BRD9: variants seen among roughly 807,000 people sequenced by gnomAD.
The protein encoded by BRD9 is bromodomain-containing protein 9.
In BRD9, 47 loss-of-function variants were observed where a neutral mutation model predicts 68.7. The ratio of observed to expected loss-of-function variants is 0.68; its 90% CI spans 0.54 to 0.87. The LOEUF (loss-of-function observed/expected upper bound fraction) is 0.87. Among genes scored for constraint, BRD9 ranks in the 40% least tolerant of loss-of-function variants. The probability of loss-of-function intolerance (pLI) is 0.00; values close to 1 mark genes in which losing one functional copy is unlikely to be tolerated. For synonymous variants in BRD9, 313 were observed against 293.9 expected (o/e 1.06, Z -0.67); for missense variants, 670 against 748.4 (o/e 0.90, Z 1.22).
intron 1 of BRD9, 74 bp from the exon 2 acceptor site, chr5:891,928 T>A: frequency 1.3e-6 from 2 of 1,531,724 alleles, no homozygotes; most frequent in Non-Finnish European, 1.8e-6. Context: ...GACGTGAAGG[T>A]GCTAAGAGGG....
intron 14 of BRD9, 63 bp from the exon 15 acceptor site, chr5:865,644 A>G: frequency 6.7e-7 from 1 of 1,502,946 alleles, no homozygotes; most frequent in South Asian, 1.2e-5. Context: ...CCCTAAGGGC[A>G]GGAGCACACT....
chr5:871,801 C>T (rs749531495), intron 12 of BRD9, among the ~76,000 whole-genome samples: 6 of 152,226 alleles, frequency 3.9e-5, no homozygotes, highest in African/African-American at 7.2e-5. Context: ...CCGGGGACAG[C>T]GCTCCACAGG....
rs1753464267 is a variant in BRD9, at chr5:891,866, C to T, written c.53-12G>A. ...CTTGTCGGCATAATCTGCACAGACA[C>T]AGACCGAGTTCTACCCGCGTGCTCA... On this transcript the variant is annotated splice_polypyrimidine_tract_variant and intron_variant, in intron 1 of 15. Transcript: ENST00000467963. 1.3e-6 allele frequency: 2 copies of T among 1,550,274 alleles called. No individual in the cohort carries two copies. The highest frequency in any genetic ancestry group is 1.8e-4 in the Middle Eastern group (1 of 5,672).
chr5:876,556 C>T (rs911477061), intron 11 of BRD9, among the ~76,000 whole-genome samples: 4 of 152,192 alleles, frequency 2.6e-5, no homozygotes, highest in Non-Finnish European at 2.9e-5. Flanking sequence ...TGGACAGAAG[C>T]ACACCAGTGG....
intron 14 of BRD9, among the ~76,000 whole-genome samples, chr5:867,601 G>A (rs1338878097): frequency 6.6e-6 from 1 of 152,280 alleles, no homozygotes; most frequent in East Asian, 1.9e-4. Context: ...TAGCCTGGAT[G>A]TGAGACAAGG....
At chr5:881,008 G>GC in intron 9 of BRD9, 99 bp downstream of exon 9, 1 of 1,270,904 alleles carries the variant, frequency 7.9e-7, no homozygotes, top group Non-Finnish European at 1.1e-6. Flanking sequence ...CTCTCATGCT[G>GC]CCCCATGGCC....
intron 3 of BRD9, 24 bp downstream of exon 3, chr5:891,131 G>A (rs549082364): frequency 6.5e-7 from 1 of 1,537,190 alleles, no homozygotes; most frequent in Non-Finnish European, 8.8e-7. Context: ...AACACCAGGA[G>A]AGTCTCTAAA....
chr5:881,271 GGGT>G (rs1751711327), intron 8 of BRD9, 89 bp from the exon 9 acceptor site: 1 of 1,243,960 alleles, frequency 8.0e-7, no homozygotes, highest in South Asian at 1.3e-5. Flanking sequence ...GGCTTAATGG[GGGT>G]GAAAGCACAT....
At chr5:873,073 G>A (rs563658154) in intron 12 of BRD9, among the ~76,000 whole-genome samples, 82 of 152,276 alleles carry the variant, frequency 5.4e-4, no homozygotes, top group Non-Finnish European at 9.0e-4. Flanking sequence ...GCTGAGGCAG[G>A]AGAATCGCTA....
intron 14 of BRD9, chr5:866,075 G>A (rs571673139): frequency 6.5e-6 from 1 of 153,490 alleles, no homozygotes; most frequent in African/African-American, 2.4e-5. Flanking sequence ...GCCCACTCCT[G>A]AACTGTGCAC....
intron 3 of BRD9, 104 bp downstream of exon 3, chr5:891,051 C>T: frequency 7.3e-7 from 1 of 1,375,158 alleles, no homozygotes; most frequent in Non-Finnish European, 9.6e-7. Context: ...ACCAGCTCTC[C>T]TCCCTCCCAT....
At chr5:878,234 C>T in intron 11 of BRD9, 121 bp downstream of exon 11, 2 of 1,414,094 alleles carry the variant, frequency 1.4e-6, no homozygotes, top group East Asian at 4.6e-5. Context: ...ACCCAGGCTG[C>T]CATATGGACG....
chr5:875,346 A>T (rs1488745527), intron 12 of BRD9, among the ~76,000 whole-genome samples: 1 of 147,022 alleles, frequency 6.8e-6, no homozygotes, highest in African/African-American at 2.6e-5. Context: ...ATGACTTCAG[A>T]CGCTTTTTTT....
intron 5 of BRD9, 122 bp downstream of exon 5, chr5:888,899 C>A: frequency 9.6e-7 from 1 of 1,045,378 alleles, no homozygotes; most frequent in East Asian, 2.6e-5. Context: ...AAACATCATC[C>A]GAACACAGAA....
At chr5:886,552 T>G (rs748365779) in intron 7 of BRD9, 40 bp downstream of exon 7, 1 of 1,577,082 alleles carries the variant, frequency 6.3e-7, no homozygotes, top group South Asian at 1.1e-5. Context: ...GCTATGGTGC[T>G]CAACTCCAAA....
At chr5:881,251 C>T (rs1168938268) in intron 8 of BRD9, 69 bp from the exon 9 acceptor site, 5 of 1,462,850 alleles carry the variant, frequency 3.4e-6, no homozygotes, top group Non-Finnish European at 4.7e-6. Context: ...AAATGAAGAC[C>T]AACAAGCAGG....
chr5:872,173 G>A (rs1370576413), intron 12 of BRD9, among the ~76,000 whole-genome samples: 1 of 152,250 alleles, frequency 6.6e-6, no homozygotes, highest in African/African-American at 2.4e-5. Flanking sequence ...CTGTGCTCCG[G>A]TGGAGCGATG....
chr5:886,935 C>A (rs1254741620), intron 6 of BRD9: 2 of 669,012 alleles, frequency 3.0e-6, no homozygotes, highest in Admixed American at 3.1e-5. Flanking sequence ...ACCGCCAGAG[C>A]GCGGCAGGTG....
Position 865,424 on chromosome 5 carries a change from C to A in BRD9, c.1683G>T (p.Gln561His). 6.3e-7 allele frequency: 1 copy of A among 1,581,102 alleles called. No homozygotes were observed. The highest frequency in any genetic ancestry group is 1.4e-5 in the African/African-American group (1 of 74,028). Reference protein sequence around the residue: ...SSLSNASERDQHHLGSPSRLS... With the variant: ...SSLSNASERDHHHLGSPSRLS... ...GTGGGGGCATCTCACCCAGGTGGTG[C>A]TGGTCCCTCTCGGAGGCGTTGGACA... is the stretch of plus-strand genomic sequence containing the variant. The change falls in exon 15 of 16, where the codon CAG becomes CAT. Residue 561 changes from glutamine to histidine, a missense_variant. By Grantham distance (24) the Gln-to-His change is conservative (BLOSUM62 0). Coordinates refer to ENST00000467963, the MANE Select transcript of BRD9 (RefSeq NM_023924.5).
Sources: allele counts gnomAD v4.1 joint callset (sites outside exome capture counted in the v4.1 genomes callset), GRCh38; gene constraint gnomAD v4.1.1; transcripts MANE v1.5; gene names NCBI Gene and HGNC (gene_info 2026-07-23, HGNC 2026-07-21).